DLG2: variants seen among roughly 807,000 people sequenced by gnomAD.
The protein encoded by DLG2 is disks large homolog 2.
A neutral mutation model predicts 132.5 loss-of-function variants in DLG2; 45 were observed. The ratio of observed to expected loss-of-function variants is 0.34; its 90% CI spans 0.27 to 0.44. The LOEUF is 0.44. Among genes scored for constraint, DLG2 ranks in the 20% least tolerant of loss-of-function variants. DLG2 has a pLI of 1.00. For synonymous variants in DLG2, 424 were observed against 419.6 expected (o/e 1.01, Z -0.13); for missense variants, 1,045 against 1,196.9 (o/e 0.87, Z 1.87).
rs534398086 is a variant in DLG2, at chr11:84,116,149, A to G, written c.625-17102T>C. 3.3e-5 allele frequency among the ~76,000 whole-genome samples: 5 copies of G among 152,296 alleles called. No individual in the cohort carries two copies. The East Asian group carries it at 7.7e-4, about 24-fold the overall frequency. On this transcript the variant is annotated intron_variant, in intron 9 of 27. Transcript: ENST00000376104. ...GTGGGGCCTTTTGGGAGGTAAGATG[A>G]TCCTGGACTTTATTTATTAAGTGTG...
intron 3 of DLG2, among the ~76,000 whole-genome samples, chr11:85,305,833 G>A (rs1216328501): frequency 6.6e-6 from 1 of 152,142 alleles, no homozygotes; most frequent in Admixed American, 6.5e-5. Flanking sequence ...CTTTTATACT[G>A]TGAAAGGAAA....
intron 21 of DLG2, among the ~76,000 whole-genome samples, chr11:83,514,995 T>G (rs1462080400): frequency 2.0e-5 from 3 of 152,140 alleles, no homozygotes; most frequent in African/African-American, 4.8e-5. Context: ...TCTCTTTTTT[T>G]GTTGTGTCTC....
intron 4 of DLG2, among the ~76,000 whole-genome samples, chr11:85,172,118 G>A (rs1225869995): frequency 6.6e-6 from 1 of 152,208 alleles, no homozygotes; most frequent in Non-Finnish European, 1.5e-5. Context: ...CATACTGCTT[G>A]TTTAAGTGGG....
chr11:84,434,125 A>G (rs992605891), intron 7 of DLG2, among the ~76,000 whole-genome samples: 1 of 152,056 alleles, frequency 6.6e-6, no homozygotes, highest in East Asian at 1.9e-4. Context: ...TCTCAAAAAA[A>G]AAAAAAAAAA....
chr11:84,968,715 C>G (rs1321319678), intron 6 of DLG2, among the ~76,000 whole-genome samples: 1 of 151,996 alleles, frequency 6.6e-6, no homozygotes. Flanking sequence ...TGCAAGTCAG[C>G]AAATTATTAT....
chr11:85,241,011 G>A (rs1388854988), intron 4 of DLG2, among the ~76,000 whole-genome samples: 1 of 151,332 alleles, frequency 6.6e-6, no homozygotes, highest in Non-Finnish European at 1.5e-5. Context: ...AGAGAAATTT[G>A]ACATTTTCAT....
intron 6 of DLG2, among the ~76,000 whole-genome samples, chr11:85,067,934 A>T (rs1338550131): frequency 3.3e-5 from 5 of 152,064 alleles, no homozygotes; most frequent in African/African-American, 1.2e-4. Context: ...ATAGCAGCAC[A>T]TCAAAAAGCT....
intron 3 of DLG2, among the ~76,000 whole-genome samples, chr11:85,344,778 T>C (rs1025303223): frequency 8.5e-5 from 13 of 152,174 alleles, no homozygotes; most frequent in African/African-American, 3.1e-4. Context: ...ATTGCTGAGT[T>C]GGATTTCCCT....
intron 6 of DLG2, among the ~76,000 whole-genome samples, chr11:85,003,862 C>T (rs763195711): frequency 2.0e-4 from 30 of 152,094 alleles, no homozygotes; most frequent in Non-Finnish European, 4.0e-4. Flanking sequence ...TTAATGCTAT[C>T]CCTCCCTCTA....
chr11:84,106,813 CTGTGTGTGTG>C lies in DLG2; in HGVS notation c.625-7776_625-7767del, dbSNP rs71066090. Among the ~76,000 whole-genome samples, 383 of 132,926 alleles carry C rather than the reference CTGTGTGTGTG, an allele frequency of 2.9e-3. 2 individuals are homozygous for C. Among genetic ancestry groups the C allele is most frequent in the African/African-American group, 9.7e-3 (364 of 37,500 alleles). 87.2% of individuals were successfully genotyped at this position (132,926 alleles called of 152,430 possible). On this transcript the variant is annotated intron_variant, in intron 9 of 27. Transcript: ENST00000376104. ...AAACACAGTGAAAGTAGATTATTATCTGTGTGTGTGTGTGTGTGTGTGTGTGTGTTTGAGT... is the reference window on the plus strand; with the variant it reads ...AAACACAGTGAAAGTAGATTATTATCTGTGTGTGTGTGTGTGTGTTTGAGT...
chr11:85,220,637 A>AAAAAATAT (rs371263007), intron 4 of DLG2, among the ~76,000 whole-genome samples: 147 of 148,308 alleles, frequency 9.9e-4, no homozygotes, highest in East Asian at 3.4e-3. Flanking sequence ...TAGAAAAAAA[A>AAAAAATAT]ATATATATAT....
chr11:84,361,469 T>C (rs2098649366), intron 7 of DLG2, among the ~76,000 whole-genome samples: 1 of 151,944 alleles, frequency 6.6e-6, no homozygotes, highest in African/African-American at 2.4e-5. Flanking sequence ...TAGAAATCTA[T>C]AACCTGCAAA....
chr11:83,721,755 A>C (rs1355630981), intron 18 of DLG2, among the ~76,000 whole-genome samples: 2 of 152,248 alleles, frequency 1.3e-5, no homozygotes. Context: ...CTCAACGCTC[A>C]TTGAGAAATT....
intron 16 of DLG2, among the ~76,000 whole-genome samples, chr11:83,872,627 C>T (rs2063701620): frequency 6.6e-6 from 1 of 152,208 alleles, no homozygotes; most frequent in Non-Finnish European, 1.5e-5. Flanking sequence ...GTTCCTCTAA[C>T]TCAAGTGGAA....
At chr11:84,807,099 CA>C (rs2076080915) in intron 6 of DLG2, among the ~76,000 whole-genome samples, 2 of 151,830 alleles carry the variant, frequency 1.3e-5, no homozygotes, top group Admixed American at 6.6e-5. Context: ...CACTGGAAGG[CA>C]AAATAAAAAA....
chr11:84,774,870 C>T (rs1421116166), intron 6 of DLG2, among the ~76,000 whole-genome samples: 1 of 151,968 alleles, frequency 6.6e-6, no homozygotes, highest in African/African-American at 2.4e-5. Context: ...GGAAATCACC[C>T]TTGGGAAAGA....
intron 3 of DLG2, among the ~76,000 whole-genome samples, chr11:85,347,248 A>G (rs893704217): frequency 6.6e-6 from 1 of 151,988 alleles, no homozygotes; most frequent in Admixed American, 6.6e-5. Flanking sequence ...TGCTCCCCCT[A>G]AGCTTGTCTT....
intron 7 of DLG2, among the ~76,000 whole-genome samples, chr11:84,431,677 AT>A (rs2098985119): frequency 6.6e-6 from 1 of 152,162 alleles, no homozygotes; most frequent in African/African-American, 2.4e-5. Flanking sequence ...GAAAACTATT[AT>A]TAATATTACC....
chr11:83,828,388 G>A (rs148945087), intron 17 of DLG2, among the ~76,000 whole-genome samples: 9 of 152,258 alleles, frequency 5.9e-5, no homozygotes, highest in East Asian at 3.9e-4. Context: ...GCCAGACTCC[G>A]TCACAAATAA....
Sources: allele counts gnomAD v4.1 joint callset (sites outside exome capture counted in the v4.1 genomes callset), GRCh38; gene constraint gnomAD v4.1.1; transcripts MANE v1.5; gene names NCBI Gene and HGNC (gene_info 2026-07-23, HGNC 2026-07-21).